The following BRINP3 variants were observed in gnomAD, a reference collection of about 807,000 sequenced individuals.
The protein encoded by BRINP3 is BMP/retinoic acid inducible neural specific 3, also known as BMP/retinoic acid-inducible neural-specific protein 3.
Under a neutral mutation model 71.0 loss-of-function variants are expected in BRINP3, and 19 were observed. That is an observed-to-expected ratio of 0.27 (90% CI 0.19 to 0.39). The LOEUF is 0.39. Ranked by LOEUF, BRINP3 falls within the 10% of genes least tolerant of loss-of-function variation. The pLI is 1.00. For synonymous variants in BRINP3, 380 were observed against 337.7 expected, an observed-to-expected ratio of 1.13 and a Z score of -1.37; for missense variants, 959 against 940.8, an observed-to-expected ratio of 1.02 and a Z score of -0.25.
At chr1:190,205,314 C>T (rs1455234259) in intron 6 of BRINP3, among the ~76,000 whole-genome samples, 1 of 151,208 alleles carries the variant, frequency 6.6e-6, no homozygotes, top group Non-Finnish European at 1.5e-5. Flanking sequence ...CTCTTTTCTA[C>T]CCGCCACACA....
intron 7 of BRINP3, among the ~76,000 whole-genome samples, chr1:190,121,473 G>A (rs1472839691): frequency 1.3e-5 from 2 of 152,088 alleles, no homozygotes; most frequent in Non-Finnish European, 2.9e-5. Flanking sequence ...AAATGTTTAT[G>A]AAATCAATTT....
In BRINP3 at chr1:190,257,695, T is replaced by G. The variant is rs190636409; in HGVS notation, c.618+7170A>C. Among the ~76,000 whole-genome samples the G allele has an allele frequency of 7.9e-5, 12 of 152,300 alleles. No individual in the cohort carries two copies. The East Asian group carries it at 2.3e-3, about 29-fold the overall frequency. On this transcript the variant is annotated intron_variant, in intron 4 of 7. Transcript: ENST00000367462. ...TTCCTTTTTGGTGATATTGATGATA[T>G]TCCTTTCTGTTTGTTAGTTTTCCTT...
intron 2 of BRINP3, among the ~76,000 whole-genome samples, chr1:190,453,016 T>C (rs1035930860): frequency 2.0e-5 from 3 of 152,032 alleles, no homozygotes; most frequent in Non-Finnish European, 2.9e-5. Flanking sequence ...GTTTGTGTGA[T>C]AGAGTGTTAA....
intron 6 of BRINP3, among the ~76,000 whole-genome samples, chr1:190,174,864 T>C (rs113179556): frequency 5.5e-4 from 84 of 152,262 alleles, no homozygotes; most frequent in African/African-American, 1.9e-3. Context: ...AACAAAACTT[T>C]GACAGTTATC....
At chr1:190,308,526 T>A (rs61818761) in intron 2 of BRINP3, among the ~76,000 whole-genome samples, 3,605 of 151,422 alleles carry the variant, frequency 0.024, 63 homozygotes, top group Non-Finnish European at 0.037. Context: ...TAGCATTAGG[T>A]GATATACCTA....
At chr1:190,265,093 T>G in intron 3 of BRINP3, 38 bp from the exon 4 acceptor site, 1 of 1,550,070 alleles carries the variant, frequency 6.5e-7, no homozygotes, top group Non-Finnish European at 8.7e-7. Context: ...AATTTTCCAC[T>G]TAAAATCTTT....
chr1:190,344,766 T>C (rs1208669578), intron 2 of BRINP3, among the ~76,000 whole-genome samples: 1 of 151,850 alleles, frequency 6.6e-6, no homozygotes, highest in Non-Finnish European at 1.5e-5. Flanking sequence ...TAAATAATGA[T>C]AGTGGTAGAC....
intron 2 of BRINP3, among the ~76,000 whole-genome samples, chr1:190,331,088 C>T (rs1666933447): frequency 6.6e-6 from 1 of 151,856 alleles, no homozygotes; most frequent in Non-Finnish European, 1.5e-5. Context: ...CTCCCTGAAA[C>T]TAAAATAAAG....
intron 7 of BRINP3, among the ~76,000 whole-genome samples, chr1:190,119,602 T>A (rs914066682): frequency 2.0e-5 from 3 of 152,174 alleles, no homozygotes; most frequent in African/African-American, 7.2e-5. Context: ...TTTACTTTTT[T>A]AATCACCTAT....
chr1:190,365,660 T>C (rs1040086894), intron 2 of BRINP3, among the ~76,000 whole-genome samples: 1 of 124,902 alleles, frequency 8.0e-6, no homozygotes, highest in Non-Finnish European at 1.8e-5. Flanking sequence ...AGTAAAAATA[T>C]ATTATAATTA....
chr1:190,255,629 T>C (rs1012556770), intron 4 of BRINP3, among the ~76,000 whole-genome samples: 1 of 152,162 alleles, frequency 6.6e-6, no homozygotes, highest in African/African-American at 2.4e-5. Flanking sequence ...AGTGGTGATA[T>C]CCCTTTTGTC....
intron 4 of BRINP3, among the ~76,000 whole-genome samples, chr1:190,260,325 A>G (rs1661074104): frequency 6.6e-6 from 1 of 152,108 alleles, no homozygotes; most frequent in African/African-American, 2.4e-5. Context: ...AAAAGTATGT[A>G]AGATGAAAAG....
At chr1:190,305,430 C>G (rs1387105351) in intron 2 of BRINP3, among the ~76,000 whole-genome samples, 2 of 151,712 alleles carry the variant, frequency 1.3e-5, no homozygotes, top group Non-Finnish European at 2.9e-5. Context: ...CATAAAAAAA[C>G]TCCTGTCATT....
At chr1:190,111,197 A>AAAC (rs2102281736) in intron 7 of BRINP3, among the ~76,000 whole-genome samples, 1 of 150,496 alleles carries the variant, frequency 6.6e-6, no homozygotes, top group African/African-American at 2.5e-5. Flanking sequence ...AAAAAAAAAA[A>AAAC]AAAAAAAAAA....
rs563958280 is a variant in BRINP3, at chr1:190,224,293, C to T, written c.961+1789G>A. Among the ~76,000 whole-genome samples the T allele has an allele frequency of 2.0e-5, 3 of 151,890 alleles. No homozygotes were observed. The East Asian group carries it at 5.8e-4, about 29-fold the overall frequency. On this transcript the variant is annotated intron_variant, in intron 6 of 7. Coordinates refer to ENST00000367462, the MANE Select transcript of BRINP3 (RefSeq NM_199051.3). ...CATAGTACTGGGATAAAAGCAGACA[C>T]ATAGACCAATGGAATAGAATAGAGA...
intron 7 of BRINP3, among the ~76,000 whole-genome samples, chr1:190,133,345 C>G (rs1654700158): frequency 6.6e-6 from 1 of 152,000 alleles, no homozygotes; most frequent in Non-Finnish European, 1.5e-5. Flanking sequence ...TACCAAACAT[C>G]TACTGTCTTA....
At chr1:190,153,822 G>A (rs916548505) in intron 7 of BRINP3, among the ~76,000 whole-genome samples, 1 of 152,148 alleles carries the variant, frequency 6.6e-6, no homozygotes, top group Admixed American at 6.6e-5. Context: ...GATCACAACA[G>A]CCTGAGCAAC....
At chr1:190,412,394 A>ATT (rs398103497) in intron 2 of BRINP3, among the ~76,000 whole-genome samples, 53 of 65,794 alleles carry the variant, frequency 8.1e-4, no homozygotes, top group African/African-American at 1.7e-3. Context: ...ATATATATAT[A>ATT]TTATATATAT....
intron 2 of BRINP3, among the ~76,000 whole-genome samples, chr1:190,419,690 T>TAC (rs5779528): frequency 0.058 from 8,605 of 148,410 alleles, 256 homozygotes; most frequent in African/African-American, 0.062. Context: ...TATACATTTA[T>TAC]ACACACACAC....
Sources: allele counts gnomAD v4.1 joint callset (sites outside exome capture counted in the v4.1 genomes callset), GRCh38; gene constraint gnomAD v4.1.1; transcripts MANE v1.5; gene names NCBI Gene and HGNC (gene_info 2026-07-23, HGNC 2026-07-21).